Variants in NFIB observed in about 807,000 individuals in gnomAD.
NFIB encodes the protein nuclear factor I B.
A neutral mutation model predicts 61.5 loss-of-function variants in NFIB; 11 were observed. That is an observed-to-expected ratio of 0.18 (90% CI 0.11 to 0.30). The LOEUF is 0.30. Ranked by LOEUF, NFIB falls within the 10% of genes least tolerant of loss-of-function variation. NFIB has a pLI of 1.00. For synonymous variants in NFIB, 260 were observed against 216.5 expected (o/e 1.20, Z -1.76); for missense variants, 471 against 608.9 (o/e 0.77, Z 2.38).
At chr9:14,523,583 A>G in the NFIB span, among the ~76,000 whole-genome samples, 1 of 152,246 alleles carries the variant, frequency 6.6e-6, no homozygotes, top group African/African-American at 2.4e-5. Context: ...AAAATAATCA[A>G]TCCTCTTAAA....
chr9:14,458,902 T>C, the NFIB span, among the ~76,000 whole-genome samples: 7 of 151,906 alleles, frequency 4.6e-5, no homozygotes, highest in African/African-American at 1.5e-4. Flanking sequence ...TCCATGCTCA[T>C]GGATAGGAAG....
intron 5 of NFIB, among the ~76,000 whole-genome samples, chr9:14,149,420 G>A (rs2131145354): frequency 6.6e-6 from 1 of 152,010 alleles, no homozygotes; most frequent in Middle Eastern, 3.4e-3. Flanking sequence ...TAATGCTCTA[G>A]GAATGAGATG....
chr9:14,474,126 A>T, the NFIB span, among the ~76,000 whole-genome samples: 1 of 152,334 alleles, frequency 6.6e-6, no homozygotes, highest in South Asian at 2.1e-4. Context: ...AGCATTTATC[A>T]TGTTCCTGCC....
At chr9:14,237,759 T>A (rs1299888739) in intron 2 of NFIB, among the ~76,000 whole-genome samples, 1 of 145,056 alleles carries the variant, frequency 6.9e-6, no homozygotes, top group East Asian at 2.1e-4. Flanking sequence ...CTGCTAGGTA[T>A]AACAGTGTGT....
chr9:14,460,261 A>C, the NFIB span, among the ~76,000 whole-genome samples: 2 of 152,036 alleles, frequency 1.3e-5, no homozygotes, highest in Non-Finnish European at 2.9e-5. Flanking sequence ...AGCAAACTAT[A>C]GCAAGGACAA....
At chr9:14,431,495 T>C in the NFIB span, among the ~76,000 whole-genome samples, 1 of 152,168 alleles carries the variant, frequency 6.6e-6, no homozygotes, top group African/African-American at 2.4e-5. Context: ...AGAAATATGA[T>C]TTGTTGCATG....
At chr9:14,374,791 A>T (rs926393804) in intron 1 of NFIB, among the ~76,000 whole-genome samples, 1 of 152,008 alleles carries the variant, frequency 6.6e-6, no homozygotes, top group Non-Finnish European at 1.5e-5. Flanking sequence ...GTGCTTGTAG[A>T]TCCAGTTACT....
the NFIB span, among the ~76,000 whole-genome samples, chr9:14,452,787 A>G: frequency 2.0e-5 from 3 of 152,338 alleles, no homozygotes; most frequent in South Asian, 6.2e-4. Context: ...CTATGTGAAG[A>G]TCACTGTGCC....
chr9:14,401,742 T>G (rs1480305661), upstream of NFIB, among the ~76,000 whole-genome samples: 1 of 152,222 alleles, frequency 6.6e-6, no homozygotes, highest in Non-Finnish European at 1.5e-5. Flanking sequence ...CATCTCCATG[T>G]CATTTTAATC....
At chr9:14,487,261 C>T in the NFIB span, among the ~76,000 whole-genome samples, 7 of 152,130 alleles carry the variant, frequency 4.6e-5, no homozygotes, top group African/African-American at 1.4e-4. Flanking sequence ...TAAATGGTTA[C>T]GGTAACATTT....
the NFIB span, among the ~76,000 whole-genome samples, chr9:14,422,753 C>A: frequency 6.6e-6 from 1 of 152,166 alleles, no homozygotes; most frequent in Non-Finnish European, 1.5e-5. Context: ...ATCCAGTGAC[C>A]ACTTCTGCGA....
Position 14,204,363 on chromosome 9 carries a change from T to C in NFIB, c.563-24583A>G, listed in dbSNP as rs1053986318. On this transcript the variant is annotated intron_variant, in intron 2 of 10. Coordinates refer to ENST00000380953, the MANE Select transcript of NFIB (RefSeq NM_001190737.2). ...CTGTTTGAGAAAAGGCCTAAGAATT[T>C]TGGCATTAGACAGGACATCCAGCCC... 1.3e-4 allele frequency: 115 copies of C among 883,546 alleles called. No individual in the cohort carries two copies. In the African/African-American group the frequency reaches 1.7e-3, roughly 13 times the overall value. The allele number at this position is 883,546 out of a possible 1,614,324, so 54.7% of individuals were successfully genotyped here.
the NFIB span, among the ~76,000 whole-genome samples, chr9:14,501,815 C>T: frequency 6.6e-6 from 1 of 152,204 alleles, no homozygotes; most frequent in African/African-American, 2.4e-5. Context: ...TACCTTCCTC[C>T]TTCCTTCTCT....
chr9:14,455,489 G>A, the NFIB span, among the ~76,000 whole-genome samples: 2 of 152,292 alleles, frequency 1.3e-5, no homozygotes, highest in Admixed American at 1.3e-4. Context: ...TAGTGGAGGG[G>A]TGAGAGGAGG....
At chr9:14,099,178 T>C (rs964689399) in intron 10 of NFIB, among the ~76,000 whole-genome samples, 5 of 152,232 alleles carry the variant, frequency 3.3e-5, no homozygotes, top group Admixed American at 6.5e-5. Flanking sequence ...AACACCCGTT[T>C]TGCTTTGTCC....
the NFIB span, among the ~76,000 whole-genome samples, chr9:14,425,174 G>C: frequency 1.3e-5 from 2 of 152,196 alleles, no homozygotes; most frequent in East Asian, 1.9e-4. Context: ...TTCCACAGCA[G>C]TCAAGGGCAG....
the NFIB span, among the ~76,000 whole-genome samples, chr9:14,515,764 G>A: frequency 1.3e-5 from 2 of 152,288 alleles, no homozygotes; most frequent in South Asian, 4.1e-4. Flanking sequence ...TTGGGGGTGG[G>A]GCCTGAGTTT....
At chr9:14,125,877 G>T in intron 6 of NFIB, 111 bp from the exon 7 acceptor site, 4 of 1,408,690 alleles carry the variant, frequency 2.8e-6, no homozygotes, top group South Asian at 2.9e-5. Flanking sequence ...TTATACTTTG[G>T]CTCTTTTACA....
rs776518020 is a variant in NFIB, at chr9:14,307,550, T to G, written c.31-30A>C. ...GGAAGACAGAGGGGTGAGGAAAAGA[T>G]GTGCATAGTCAGTTTAATTTTAAAA... On this transcript the variant is annotated intron_variant, in intron 1 of 10. Coordinates refer to ENST00000380953, the MANE Select transcript of NFIB (RefSeq NM_001190737.2). This position sits in a 1 kb window ranked among gnomAD's most constrained non-coding sequence, Gnocchi z 5.3. 1 of 1,542,048 alleles carries G rather than the reference T, an allele frequency of 6.5e-7. No homozygotes were observed. The highest frequency in any genetic ancestry group is 2.1e-5 in the Admixed American group (1 of 48,702).
Sources: allele counts gnomAD v4.1 joint callset (sites outside exome capture counted in the v4.1 genomes callset), GRCh38; gene constraint gnomAD v4.1.1; non-coding constraint Gnocchi (gnomAD v3.1); transcripts MANE v1.5; gene names NCBI Gene and HGNC (gene_info 2026-07-23, HGNC 2026-07-21).